PARD3: variants seen among roughly 807,000 people sequenced by gnomAD.
PARD3 encodes the protein partitioning defective 3 homolog.
A neutral mutation model predicts 155.4 loss-of-function variants in PARD3; 75 were observed. That is an observed-to-expected ratio of 0.48 (90% CI 0.40 to 0.58). PARD3 has a LOEUF of 0.58. Ranked by LOEUF, PARD3 falls within the 20% of genes least tolerant of loss-of-function variation. PARD3 has a pLI of 0.00. For synonymous variants in PARD3, 576 were observed against 610.5 expected, an observed-to-expected ratio of 0.94 and a Z score of 0.83; for missense variants, 1,642 against 1,721.7, an observed-to-expected ratio of 0.95 and a Z score of 0.82.
intron 2 of PARD3, among the ~76,000 whole-genome samples, chr10:34,591,075 C>T (rs534759903): frequency 9.9e-5 from 15 of 152,236 alleles, no homozygotes; most frequent in African/African-American, 3.6e-4. Context: ...CACCTGCACA[C>T]CATTCTGTCC....
chr10:34,354,795 G>A (rs1261193678), intron 14 of PARD3, among the ~76,000 whole-genome samples: 2 of 152,154 alleles, frequency 1.3e-5, no homozygotes, highest in African/African-American at 4.8e-5. Context: ...GCATGTCCCA[G>A]TGGTCCCCAT....
rs181528666 is a variant in PARD3 at position 34,304,218 on chromosome 10, A to C, written c.3065+12889T>G. Among the ~76,000 whole-genome samples, 189 of 152,198 alleles carry C rather than the reference A, an allele frequency of 1.2e-3. 1 individual carries two copies. Among genetic ancestry groups the C allele is most frequent in the African/African-American group, 4.4e-3 (183 of 41,532 alleles). On this transcript the variant is annotated intron_variant, in intron 20 of 24. Transcript: ENST00000374788. ...AATCCTTAAGAATTATTTTGGTGCC[A>C]GGCATTGTGTTCCATGCCTGTAATC...
intron 2 of PARD3, among the ~76,000 whole-genome samples, chr10:34,566,820 G>GT (rs2085981488): frequency 2.0e-5 from 3 of 152,272 alleles, no homozygotes; most frequent in South Asian, 4.1e-4. Context: ...AGACACTGAT[G>GT]TGACTGCTGT....
chr10:34,410,362 T>G (rs1844925259), intron 5 of PARD3, among the ~76,000 whole-genome samples: 1 of 152,054 alleles, frequency 6.6e-6, no homozygotes, highest in South Asian at 2.1e-4. Context: ...TATAAATATT[T>G]AATGTATCAT....
At chr10:34,389,239 TAAAAAAAAA>T (rs57615675) in intron 7 of PARD3, among the ~76,000 whole-genome samples, 35 of 65,854 alleles carry the variant, frequency 5.3e-4, no homozygotes, top group African/African-American at 1.1e-3. Context: ...CAATGTTTCT[TAAAAAAAAA>T]AAAAAAAAAA....
intron 20 of PARD3, among the ~76,000 whole-genome samples, chr10:34,288,650 T>C (rs985009609): frequency 2.2e-4 from 33 of 152,222 alleles, no homozygotes; most frequent in Non-Finnish European, 2.6e-4. Context: ...AATCACTTAA[T>C]AGCAAAATGC....
intron 11 of PARD3, among the ~76,000 whole-genome samples, chr10:34,373,341 C>T (rs1463241334): frequency 6.6e-6 from 1 of 151,554 alleles, no homozygotes; most frequent in African/African-American, 2.4e-5. Context: ...AAACAGAAGC[C>T]TGGAAGATCA....
intron 22 of PARD3, among the ~76,000 whole-genome samples, chr10:34,220,861 A>G (rs969305239): frequency 8.5e-5 from 13 of 152,164 alleles, no homozygotes; most frequent in African/African-American, 2.7e-4. Flanking sequence ...AGCCTACCCA[A>G]TCCCACCTCT....
intron 12 of PARD3, among the ~76,000 whole-genome samples, chr10:34,367,001 A>G (rs963401689): frequency 6.6e-6 from 1 of 152,210 alleles, no homozygotes; most frequent in Non-Finnish European, 1.5e-5. Context: ...ACATTTTGAA[A>G]GACTTTTAAA....
chr10:34,445,083 A>C (rs1156300576), intron 5 of PARD3, among the ~76,000 whole-genome samples: 1 of 152,114 alleles, frequency 6.6e-6, no homozygotes, highest in Non-Finnish European at 1.5e-5. Flanking sequence ...AGCATACAAA[A>C]TATTTTTTCA....
chr10:34,447,802 C>G (rs1224970951), intron 5 of PARD3, among the ~76,000 whole-genome samples: 1 of 51,616 alleles, frequency 1.9e-5, no homozygotes, highest in Non-Finnish European at 3.1e-5. Context: ...AAGACTCTGT[C>G]TCAAAAGAAA....
chr10:34,158,323 G>T (rs1481976565), intron 22 of PARD3, among the ~76,000 whole-genome samples: 1 of 152,220 alleles, frequency 6.6e-6, no homozygotes, highest in Admixed American at 6.5e-5. Context: ...AGGCATTAAA[G>T]AACCTAGAAT....
chr10:34,275,626 A>G (rs1349732424), intron 21 of PARD3, among the ~76,000 whole-genome samples: 1 of 152,220 alleles, frequency 6.6e-6, no homozygotes, highest in Non-Finnish European at 1.5e-5. Flanking sequence ...CACGACCAAA[A>G]GGTTATATTT....
chr10:34,678,956 A>C (rs1188141033), intron 2 of PARD3, among the ~76,000 whole-genome samples: 1 of 152,076 alleles, frequency 6.6e-6, no homozygotes, highest in East Asian at 1.9e-4. Context: ...GTCCCAGAAA[A>C]AGAGTAATAC....
Position 34,300,087 on chromosome 10 carries a change from T to C in PARD3, c.3066-15842A>G, listed in dbSNP as rs2799450. On this transcript the variant is annotated intron_variant, in intron 20 of 24. Transcript: ENST00000374788. The stretch of plus-strand genomic sequence containing the variant: ...TAAAAATGCATGTACAAATAAAAAG[T>C]TCACATTAATAGTTTGAACATACCA... Among the ~76,000 whole-genome samples the C allele has an allele frequency of 3.3e-3, 505 of 152,232 alleles. 3 individuals are homozygous for C. The highest frequency in any genetic ancestry group is 0.012 in the African/African-American group (485 of 41,530).
chr10:34,499,430 C>A (rs1386586786), intron 3 of PARD3, among the ~76,000 whole-genome samples: 1 of 151,908 alleles, frequency 6.6e-6, no homozygotes, highest in Non-Finnish European at 1.5e-5. Context: ...AGGATATAGA[C>A]ACAAAAAGTT....
At chr10:34,177,530 A>G (rs1339327487) in intron 22 of PARD3, among the ~76,000 whole-genome samples, 1 of 152,206 alleles carries the variant, frequency 6.6e-6, no homozygotes, top group Non-Finnish European at 1.5e-5. Flanking sequence ...AGAAGAAAAA[A>G]AGTCATTCTT....
intron 20 of PARD3, among the ~76,000 whole-genome samples, chr10:34,293,762 ACT>A (rs1323534153): frequency 6.6e-6 from 1 of 152,194 alleles, no homozygotes; most frequent in Non-Finnish European, 1.5e-5. Context: ...TGCTCAAATA[ACT>A]CTGATAATAA....
chr10:34,454,792 T>C lies in PARD3; in HGVS notation c.583-4344A>G, dbSNP rs116477570. Among the ~76,000 whole-genome samples, 960 of 152,264 alleles carry C rather than the reference T, an allele frequency of 6.3e-3. 8 individuals carry two copies. The highest frequency in any genetic ancestry group is 0.022 in the African/African-American group (914 of 41,540). On this transcript the variant is annotated intron_variant, in intron 4 of 24. Transcript: ENST00000374788. ...TCAGGGATCTTCCTTATCATCTAAA[T>C]GTACTGCCACAGCATCAGGTGTCAA...
Sources: gnomAD v4.1 joint callset for allele counts (sites outside exome capture counted in the v4.1 genomes callset) on GRCh38, gnomAD v4.1.1 for gene constraint, MANE v1.5 for transcripts, NCBI Gene and HGNC (gene_info 2026-07-23, HGNC 2026-07-21) for gene names.